The following ATP8B4 variants were observed in gnomAD, a reference collection of about 807,000 sequenced individuals.
ATP8B4 encodes the protein probable phospholipid-transporting ATPase IM.
In ATP8B4, 133 loss-of-function variants were observed where a neutral mutation model predicts 145.6. That is an observed-to-expected ratio of 0.91 (90% CI 0.79 to 1.05). The LOEUF (loss-of-function observed/expected upper bound fraction) is 1.05. Among genes scored for constraint, ATP8B4 ranks in the 50% least tolerant of loss-of-function variants. The pLI is 0.00. For synonymous variants in ATP8B4, 507 were observed against 492.9 expected (o/e 1.03, Z -0.38); for missense variants, 1,458 against 1,425.2 (o/e 1.02, Z -0.37).
intron 1 of ATP8B4, among the ~76,000 whole-genome samples, chr15:50,168,522 C>T (rs1036039931): frequency 6.6e-5 from 10 of 152,148 alleles, no homozygotes; most frequent in Non-Finnish European, 1.3e-4. Context: ...AGCAGAAAGG[C>T]CCTGGGAGCT....
At chr15:49,889,976 C>T (rs1012446758) in intron 23 of ATP8B4, among the ~76,000 whole-genome samples, 1 of 152,152 alleles carries the variant, frequency 6.6e-6, no homozygotes, top group Admixed American at 6.5e-5. Flanking sequence ...CAAGACATGG[C>T]TTATCCATAG....
At position 50,106,980 on chromosome 15, in the gene ATP8B4, C is replaced by A; in HGVS notation, c.-14G>T. 6.3e-7 allele frequency: 1 copy of A among 1,585,670 alleles called. No individual in the cohort carries two copies. The highest frequency in any genetic ancestry group is 8.6e-7 in the Non-Finnish European group (1 of 1,168,006). On this transcript the variant is annotated 5_prime_UTR_variant, in exon 2 of 28. Transcript: ENST00000284509. ...ACTGCAGAACATTATTATACCTGATCTTTCACCAGGTCTCAACAGGTGGCC... is the reference window on the plus strand; with the variant it reads ...ACTGCAGAACATTATTATACCTGATATTTCACCAGGTCTCAACAGGTGGCC...
intron 6 of ATP8B4, among the ~76,000 whole-genome samples, chr15:50,037,852 G>T (rs2050954628): frequency 6.6e-6 from 1 of 152,064 alleles, no homozygotes; most frequent in Admixed American, 6.5e-5. Context: ...TATTCATTAT[G>T]TTATTAGAAA....
At chr15:50,173,570 C>A (rs1237168295) in intron 1 of ATP8B4, among the ~76,000 whole-genome samples, 1 of 152,090 alleles carries the variant, frequency 6.6e-6, no homozygotes, top group Admixed American at 6.5e-5. Flanking sequence ...AGGCAGAAGG[C>A]GGCAGGGCCC....
chr15:50,113,141 T>G (rs2057031088), intron 1 of ATP8B4: 1 of 152,232 alleles, frequency 6.6e-6, no homozygotes, highest in Non-Finnish European at 1.5e-5. Context: ...CTGGGACCCA[T>G]GTAGGGGTGA....
At chr15:49,891,497 T>C (rs904721073) in intron 23 of ATP8B4, among the ~76,000 whole-genome samples, 27 of 152,122 alleles carry the variant, frequency 1.8e-4, no homozygotes. Context: ...AGCTATTTTT[T>C]GTATTTTTAG....
chr15:49,991,989 C>A (rs1454763155), intron 9 of ATP8B4, among the ~76,000 whole-genome samples: 1 of 152,074 alleles, frequency 6.6e-6, no homozygotes, highest in Non-Finnish European at 1.5e-5. Flanking sequence ...GGTTTACAAC[C>A]TGGGGTTTTG....
intron 9 of ATP8B4, among the ~76,000 whole-genome samples, chr15:49,991,956 C>T (rs545700159): frequency 6.6e-6 from 1 of 152,250 alleles, no homozygotes; most frequent in African/African-American, 2.4e-5. Context: ...TTCCCTAACC[C>T]TCCAATGCTG....
intron 6 of ATP8B4, among the ~76,000 whole-genome samples, chr15:50,018,527 C>T (rs1040494410): frequency 2.0e-5 from 3 of 152,114 alleles, no homozygotes; most frequent in African/African-American, 4.8e-5. Flanking sequence ...TTCTGATACC[C>T]GGAGTATATG....
At chr15:49,923,268 G>A (rs544293942) in intron 17 of ATP8B4, 111 bp downstream of exon 17, 2 of 769,162 alleles carry the variant, frequency 2.6e-6, no homozygotes, top group East Asian at 2.8e-5. Flanking sequence ...TTCTCCAGAT[G>A]CTTTCTATTT....
At chr15:50,107,852 A>T (rs962061294) in intron 1 of ATP8B4, among the ~76,000 whole-genome samples, 1 of 152,170 alleles carries the variant, frequency 6.6e-6, no homozygotes, top group Non-Finnish European at 1.5e-5. Context: ...CTTATGGCTT[A>T]GTAGTTACAA....
chr15:49,878,315 C>T (rs542130557), intron 24 of ATP8B4, among the ~76,000 whole-genome samples: 5 of 152,190 alleles, frequency 3.3e-5, no homozygotes, highest in Non-Finnish European at 5.9e-5. Flanking sequence ...TTGTATAATT[C>T]CAGAAAATAT....
rs1280884808 is a variant in ATP8B4, at chr15:49,934,185, G to A, written c.1288-3C>T. The A allele has an allele frequency of 1.3e-6, 2 of 1,597,982 alleles. No homozygotes were observed. Among genetic ancestry groups the A allele is most frequent in the East Asian group, 2.2e-5 (1 of 44,534 alleles). ...GAGAAATCCACAGGCTCTTTTTCCTGTAGGAGAACAACAACAACAAAAATA... is the reference window on the plus strand; with the variant it reads ...GAGAAATCCACAGGCTCTTTTTCCTATAGGAGAACAACAACAACAAAAATA... On this transcript the variant is annotated splice_region_variant and splice_polypyrimidine_tract_variant and intron_variant, in intron 14 of 27. Transcript: ENST00000284509.
chr15:49,913,281 T>C (rs1348994109), intron 20 of ATP8B4, among the ~76,000 whole-genome samples: 2 of 152,118 alleles, frequency 1.3e-5, no homozygotes, highest in Non-Finnish European at 2.9e-5. Context: ...AAAAACCATA[T>C]AGTTATCTCA....
At chr15:49,887,115 A>G (rs970946428) in intron 23 of ATP8B4, among the ~76,000 whole-genome samples, 6 of 152,062 alleles carry the variant, frequency 3.9e-5, no homozygotes, top group African/African-American at 1.4e-4. Flanking sequence ...TGGCCAAGCA[A>G]TGTTTCTTCT....
intron 10 of ATP8B4, among the ~76,000 whole-genome samples, chr15:49,984,967 T>C (rs1049922701): frequency 6.6e-6 from 1 of 152,206 alleles, no homozygotes; most frequent in Non-Finnish European, 1.5e-5. Flanking sequence ...GCTGTTAATA[T>C]ATATTAGAAC....
chr15:50,096,829 T>C (rs1346517917), intron 2 of ATP8B4, among the ~76,000 whole-genome samples: 2 of 152,194 alleles, frequency 1.3e-5, no homozygotes, highest in Non-Finnish European at 2.9e-5. Context: ...TTCCCATGCC[T>C]TTCCTCTCTG....
At chr15:49,930,415 G>C (rs980795856) in intron 16 of ATP8B4, among the ~76,000 whole-genome samples, 2 of 152,156 alleles carry the variant, frequency 1.3e-5, no homozygotes, top group Middle Eastern at 3.4e-3. Flanking sequence ...AATGGAAAAA[G>C]GCACTAAATA....
At chr15:50,042,277 T>C (rs1486903400) in intron 5 of ATP8B4, among the ~76,000 whole-genome samples, 1 of 152,128 alleles carries the variant, frequency 6.6e-6, no homozygotes, top group Non-Finnish European at 1.5e-5. Context: ...AAAAATGATA[T>C]ATGAAGACAC....
Sources: allele counts gnomAD v4.1 joint callset (sites outside exome capture counted in the v4.1 genomes callset), GRCh38; gene constraint gnomAD v4.1.1; transcripts MANE v1.5; gene names NCBI Gene and HGNC (gene_info 2026-07-23, HGNC 2026-07-21).